Variants in EEF1E1 observed in about 807,000 individuals in gnomAD.
The protein encoded by EEF1E1 is eukaryotic translation elongation factor 1 epsilon 1.
Under a neutral mutation model 19.9 loss-of-function variants are expected in EEF1E1, and 19 were observed. The ratio of observed to expected loss-of-function variants is 0.95; its 90% CI spans 0.66 to 1.40. The LOEUF is 1.40. EEF1E1 is among the 40% of genes most tolerant of loss of function. EEF1E1 has a pLI of 0.00. For synonymous variants in EEF1E1, 81 were observed against 80.0 expected, an observed-to-expected ratio of 1.01 and a Z score of -0.07; for missense variants, 198 against 202.2, an observed-to-expected ratio of 0.98 and a Z score of 0.13.
chr6:8,099,751 A>C (rs1478802980), intron 1 of EEF1E1, among the ~76,000 whole-genome samples: 17 of 92,962 alleles, frequency 1.8e-4, no homozygotes, highest in East Asian at 8.0e-4. Flanking sequence ...CCGCCTCAAA[A>C]ACACACACAC....
chr6:8,083,764 G>A (rs1055958118), intron 3 of EEF1E1, among the ~76,000 whole-genome samples: 1 of 152,188 alleles, frequency 6.6e-6, no homozygotes, highest in Non-Finnish European at 1.5e-5. Context: ...ACAAATTAAG[G>A]AATGCACGAG....
At chr6:8,085,914 T>C (rs572065370) in intron 3 of EEF1E1, among the ~76,000 whole-genome samples, 29 of 152,312 alleles carry the variant, frequency 1.9e-4, no homozygotes, top group Non-Finnish European at 3.1e-4. Context: ...TGTAAAACAG[T>C]CTAATTTCTT....
intron 3 of EEF1E1, among the ~76,000 whole-genome samples, chr6:8,087,391 T>C (rs916030975): frequency 3.3e-5 from 5 of 152,236 alleles, no homozygotes; most frequent in Admixed American, 2.0e-4. Context: ...CTGATTTTTG[T>C]AGTTTTACTA....
At chr6:8,082,380 C>A (rs9328454) in intron 3 of EEF1E1, among the ~76,000 whole-genome samples, 1 of 152,000 alleles carries the variant, frequency 6.6e-6, no homozygotes, top group Admixed American at 6.6e-5. Context: ...TGGGTTCAAG[C>A]GATTCTCCTG....
At chr6:8,076,025 C>T (rs1035786055), downstream of EEF1E1, among the ~76,000 whole-genome samples, 8 of 152,156 alleles carry the variant, frequency 5.3e-5, no homozygotes, top group African/African-American at 1.9e-4. Flanking sequence ...CAATTCAGTA[C>T]CATCTTCAGG....
At chr6:8,094,092 T>C (rs932858281) in intron 2 of EEF1E1, among the ~76,000 whole-genome samples, 3 of 151,974 alleles carry the variant, frequency 2.0e-5, no homozygotes, top group Non-Finnish European at 4.4e-5. Flanking sequence ...AGCCACCGCA[T>C]GCGGCCTCAA....
At chr6:8,087,801 A>G (rs1757902857) in intron 3 of EEF1E1, among the ~76,000 whole-genome samples, 1 of 139,536 alleles carries the variant, frequency 7.2e-6, no homozygotes, top group Non-Finnish European at 1.6e-5. Flanking sequence ...ATCACAGGAA[A>G]AGACACATGT....
chr6:8,102,336 C>T (rs1561647808), intron 1 of EEF1E1, 99 bp downstream of exon 1: 3 of 1,245,066 alleles, frequency 2.4e-6, no homozygotes, highest in Admixed American at 2.5e-5. Context: ...GCAGCATCCT[C>T]ACTCCGCCCG....
intron 1 of EEF1E1, among the ~76,000 whole-genome samples, chr6:8,099,971 C>T (rs1171350078): frequency 6.6e-6 from 1 of 150,396 alleles, no homozygotes; most frequent in Non-Finnish European, 1.5e-5. Context: ...AATTTTTAAA[C>T]TATGATTGGT....
At chr6:8,089,322 A>G (rs1433678797) in intron 3 of EEF1E1, among the ~76,000 whole-genome samples, 2 of 152,230 alleles carry the variant, frequency 1.3e-5, no homozygotes, top group Non-Finnish European at 2.9e-5. Context: ...GGTTCTCTAG[A>G]GGGACAGAAT....
At chr6:8,099,780 ACAC>A (rs1384867081) in intron 1 of EEF1E1, among the ~76,000 whole-genome samples, 2,431 of 124,898 alleles carry the variant, frequency 0.019, 81 homozygotes, top group African/African-American at 0.044. Flanking sequence ...ACACACACAC[ACAC>A]ACACACACAA....
intron 1 of EEF1E1, chr6:8,101,687 T>G: frequency 1.7e-6 from 2 of 1,191,210 alleles, no homozygotes; most frequent in Non-Finnish European, 1.1e-6. Context: ...CCAATTTCCT[T>G]CTCTAATACA....
chr6:8,077,045 G>A (rs1024883879), downstream of EEF1E1, among the ~76,000 whole-genome samples: 3 of 150,256 alleles, frequency 2.0e-5, no homozygotes, highest in Non-Finnish European at 4.4e-5. Context: ...CCGGGTTCAC[G>A]CCATTCTCCT....
chr6:8,090,337 T>G, intron 2 of EEF1E1, 56 bp from the exon 3 acceptor site: 1 of 1,224,332 alleles, frequency 8.2e-7, no homozygotes, highest in South Asian at 2.1e-5. Flanking sequence ...ATAATAAAGT[T>G]AATTATCATA....
intron 2 of EEF1E1, chr6:8,095,479 G>A (rs1758145450): frequency 3.9e-6 from 1 of 253,388 alleles, no homozygotes; most frequent in Admixed American, 5.0e-5. Flanking sequence ...TTCCAGCCTG[G>A]GTGACAGAGT....
intron 1 of EEF1E1, among the ~76,000 whole-genome samples, chr6:8,098,868 A>G (rs149551014): frequency 4.3e-4 from 66 of 152,324 alleles, no homozygotes; most frequent in African/African-American, 1.3e-3. Context: ...CCAACTCTAA[A>G]GAGAATTATT....
intron 1 of EEF1E1, 195 bp downstream of exon 1, chr6:8,102,240 C>T (rs1256067149): frequency 1.9e-6 from 1 of 533,834 alleles, no homozygotes; most frequent in Non-Finnish European, 2.4e-6. Context: ...AGCTGGTTAA[C>T]CCCTCCCTCC....
intron 3 of EEF1E1, among the ~76,000 whole-genome samples, chr6:8,085,316 T>C (rs1182538043): frequency 1.4e-5 from 2 of 144,226 alleles, no homozygotes; most frequent in Non-Finnish European, 3.1e-5. Context: ...GCCTGGTTAA[T>C]GGTTTTTTTT....
chr6:8,093,784 A>G (rs934356087), intron 2 of EEF1E1, among the ~76,000 whole-genome samples: 2 of 151,944 alleles, frequency 1.3e-5, no homozygotes, highest in South Asian at 2.1e-4. Context: ...TAATAATTGT[A>G]TTAAAAAAAA....
Sources: allele counts gnomAD v4.1 joint callset (sites outside exome capture counted in the v4.1 genomes callset), GRCh38; gene constraint gnomAD v4.1.1; transcripts MANE v1.5; gene names NCBI Gene and HGNC (gene_info 2026-07-23, HGNC 2026-07-21).